TRAPPC9: variants seen among roughly 807,000 people sequenced by gnomAD.
TRAPPC9 encodes the protein IKK2 binding protein.
A neutral mutation model predicts 124.0 loss-of-function variants in TRAPPC9; 83 were observed. The observed-to-expected ratio is 0.67, with a 90% CI of 0.56 to 0.80. The LOEUF is 0.80. Among genes scored for constraint, TRAPPC9 ranks in the 30% least tolerant of loss-of-function variants. TRAPPC9 has a pLI of 0.00. For synonymous variants in TRAPPC9, 638 were observed against 617.5 expected (o/e 1.03, Z -0.49); for missense variants, 1,302 against 1,508.3 (o/e 0.86, Z 2.27).
intron 16 of TRAPPC9, among the ~76,000 whole-genome samples, chr8:140,222,681 T>C (rs2063361897): frequency 6.6e-6 from 1 of 152,234 alleles, no homozygotes; most frequent in South Asian, 2.1e-4. Context: ...ATGAGATATT[T>C]GACTGCAGTT....
In TRAPPC9 at chr8:140,087,036, G is replaced by T. The variant is rs1014106914; in HGVS notation, c.2557-62957C>A. Among the ~76,000 whole-genome samples, 42 of 152,108 alleles carry T rather than the reference G, an allele frequency of 2.8e-4. No homozygotes were observed. The highest frequency in any genetic ancestry group is 1.0e-3 in the African/African-American group (42 of 41,408). The stretch of plus-strand genomic sequence containing the variant: ...GCTCCTGCAAGCACTGCCTGCTCGG[G>T]CTGGCTCTACTTCTTGCCACCGTCA... On this transcript the variant is annotated intron_variant, in intron 17 of 22. Coordinates refer to ENST00000438773, the MANE Select transcript of TRAPPC9 (RefSeq NM_001160372.4). The surrounding 1 kb of genome is among the most constrained non-coding windows in gnomAD (Gnocchi z 4.6).
At chr8:139,852,879 G>A (rs2130939086) in intron 21 of TRAPPC9, among the ~76,000 whole-genome samples, 1 of 152,232 alleles carries the variant, frequency 6.6e-6, no homozygotes, top group African/African-American at 2.4e-5. Flanking sequence ...CAGCCCCTGG[G>A]GAGAGGAAAC....
In TRAPPC9 at chr8:140,399,048, C is replaced by T. The variant is rs527844903; in HGVS notation, c.1009-1303G>A. On this transcript the variant is annotated intron_variant, in intron 6 of 22. Coordinates refer to ENST00000438773, the MANE Select transcript of TRAPPC9 (RefSeq NM_001160372.4). ...GGGCCATGGCTTCAGAGGGTGCAAG[C>T]CCCAAGCCTTGGCAGCTTCCATGTG... Among the ~76,000 whole-genome samples, 362 of 152,380 alleles carry T rather than the reference C, an allele frequency of 2.4e-3. 1 individual carries two copies. The highest frequency in any genetic ancestry group is 8.4e-3 in the African/African-American group (350 of 41,588).
intron 17 of TRAPPC9, among the ~76,000 whole-genome samples, chr8:140,163,349 C>G (rs941094720): frequency 3.9e-5 from 6 of 152,244 alleles, no homozygotes; most frequent in Non-Finnish European, 1.5e-5. Context: ...TGCCCATAAC[C>G]TAGCCTGCAG....
intron 11 of TRAPPC9, among the ~76,000 whole-genome samples, chr8:140,300,249 GCATACACA>G (rs2065929540): frequency 7.1e-6 from 1 of 141,574 alleles, no homozygotes. Context: ...ACGCACGCAT[GCATACACA>G]CATACACGCA....
At chr8:140,289,870 C>G (rs1192728512) in intron 12 of TRAPPC9, among the ~76,000 whole-genome samples, 1 of 152,188 alleles carries the variant, frequency 6.6e-6, no homozygotes, top group South Asian at 2.1e-4. Context: ...GAGCGCACCT[C>G]GAGACTACAA....
intron 18 of TRAPPC9, among the ~76,000 whole-genome samples, chr8:140,016,018 T>G (rs1839441368): frequency 6.6e-6 from 1 of 152,174 alleles, no homozygotes; most frequent in Non-Finnish European, 1.5e-5. Context: ...AACCCAACAT[T>G]AACACCTCTC....
intron 17 of TRAPPC9, among the ~76,000 whole-genome samples, chr8:140,060,658 G>T (rs2132137077): frequency 6.6e-6 from 1 of 151,672 alleles, no homozygotes; most frequent in Admixed American, 6.6e-5. Flanking sequence ...TACCGAATTG[G>T]CTTCTCTGCC....
At chr8:140,281,626 T>G (rs2065325400) in intron 14 of TRAPPC9, among the ~76,000 whole-genome samples, 1 of 152,228 alleles carries the variant, frequency 6.6e-6, no homozygotes, top group Non-Finnish European at 1.5e-5. Flanking sequence ...TGTCAACGTT[T>G]TATTCCAGGG....
At chr8:140,453,615 C>T (rs1160612560) in intron 1 of TRAPPC9, among the ~76,000 whole-genome samples, 3 of 137,818 alleles carry the variant, frequency 2.2e-5, no homozygotes, top group Admixed American at 7.2e-5. Flanking sequence ...AGCCTCCCAA[C>T]ATGTCTTGCT....
chr8:139,910,887 G>T (rs1831682046), intron 19 of TRAPPC9, among the ~76,000 whole-genome samples: 1 of 152,198 alleles, frequency 6.6e-6, no homozygotes, highest in Non-Finnish European at 1.5e-5. Context: ...CAGGTTCATA[G>T]GTGGAAGGGA....
chr8:140,445,553 C>G (rs1193697342), intron 2 of TRAPPC9, among the ~76,000 whole-genome samples: 1 of 152,204 alleles, frequency 6.6e-6, no homozygotes, highest in Non-Finnish European at 1.5e-5. Context: ...CCGGGCCAGG[C>G]TGTCCCCATG....
chr8:139,897,327 C>T (rs1269082343), intron 20 of TRAPPC9, among the ~76,000 whole-genome samples: 1 of 152,224 alleles, frequency 6.6e-6, no homozygotes, highest in Admixed American at 6.5e-5. Context: ...GTTTAACCTT[C>T]CTCTGCCATC....
At chr8:140,368,049 TCTC>T (rs1439510412) in intron 8 of TRAPPC9, among the ~76,000 whole-genome samples, 1 of 152,152 alleles carries the variant, frequency 6.6e-6, no homozygotes, top group Non-Finnish European at 1.5e-5. Context: ...CCTCTCCAGG[TCTC>T]CTCTATTCTG....
At chr8:140,437,298 G>A (rs1051074768) in intron 3 of TRAPPC9, among the ~76,000 whole-genome samples, 21 of 152,110 alleles carry the variant, frequency 1.4e-4, no homozygotes, top group Admixed American at 1.1e-3. Context: ...TGGGATTACA[G>A]GCATGAGCCA....
At chr8:140,010,411 G>T (rs1259615992) in intron 18 of TRAPPC9, among the ~76,000 whole-genome samples, 1 of 152,080 alleles carries the variant, frequency 6.6e-6, no homozygotes, top group Non-Finnish European at 1.5e-5. Context: ...GTTCGCAAAA[G>T]GTGACCAAAA....
intron 17 of TRAPPC9, among the ~76,000 whole-genome samples, chr8:140,025,771 A>C (rs1471903085): frequency 6.6e-6 from 1 of 152,210 alleles, no homozygotes; most frequent in Non-Finnish European, 1.5e-5. Flanking sequence ...AACATGGCTT[A>C]GAATCGGAGG....
chr8:140,010,882 T>C (rs895243827), intron 18 of TRAPPC9, among the ~76,000 whole-genome samples: 2 of 152,008 alleles, frequency 1.3e-5, no homozygotes, highest in African/African-American at 4.8e-5. Flanking sequence ...CAAACCTCAC[T>C]CAACAGAGAA....
At chr8:140,323,066 C>T (rs1017389717) in intron 9 of TRAPPC9, among the ~76,000 whole-genome samples, 10 of 152,142 alleles carry the variant, frequency 6.6e-5, no homozygotes, top group East Asian at 1.9e-4. Context: ...AGCCCCACCA[C>T]GGGGGACGGG....
Sources: allele counts gnomAD v4.1 joint callset (sites outside exome capture counted in the v4.1 genomes callset), GRCh38; gene constraint gnomAD v4.1.1; non-coding constraint Gnocchi (gnomAD v3.1); transcripts MANE v1.5; gene names NCBI Gene and HGNC (gene_info 2026-07-23, HGNC 2026-07-21).